Variants in CMTM6 observed in about 807,000 individuals in gnomAD.
CMTM6 encodes CKLF like MARVEL transmembrane domain containing 6.
A neutral mutation model predicts 13.6 loss-of-function variants in CMTM6; 5 were observed. The ratio of observed to expected loss-of-function variants is 0.37; its 90% CI spans 0.19 to 0.77. The LOEUF is 0.77. CMTM6 is among the 30% of genes least tolerant of loss of function. The pLI, the probability that CMTM6 is intolerant of heterozygous loss-of-function variation, is 0.50. For synonymous variants in CMTM6, 99 were observed against 84.5 expected (o/e 1.17, Z -0.94); for missense variants, 196 against 218.6 (o/e 0.90, Z 0.65).
chr3:32,502,826 G>T lies in CMTM6; in HGVS notation c.-81C>A, dbSNP rs1697360462. On this transcript the variant is annotated 5_prime_UTR_variant, in exon 1 of 4. Transcript: ENST00000205636. ...CTCCAGAAGTCCCCGGTAGCCGGGA[G>T]GCGGCCGTCACTTCCTGGGCCTTCT... 3 of 1,352,600 alleles carry T rather than the reference G, an allele frequency of 2.2e-6. No individual in the cohort carries two copies. The Admixed American group carries it at 1.1e-4, about 50-fold the overall frequency. The allele number at this position is 1,352,600 out of a possible 1,614,324, so 83.8% of individuals were successfully genotyped here.
At position 32,494,201 on chromosome 3, in the gene CMTM6, A is replaced by G. The variant is rs150154389; in HGVS notation, c.139-2315T>C. On this transcript the variant is annotated intron_variant, in intron 1 of 3. Transcript: ENST00000205636. ...AGAAGGGAAGAGAGTGAAGAAGAGT[A>G]TTTTGCTTGGGCAGTTTGTGTGGGT... Among the ~76,000 whole-genome samples the G allele has an allele frequency of 2.1e-3, 317 of 152,236 alleles. 1 individual carries two copies. The highest frequency in any genetic ancestry group is 6.8e-3 in the African/African-American group (283 of 41,540).
At chr3:32,497,112 G>C (rs1009145845) in intron 1 of CMTM6, among the ~76,000 whole-genome samples, 1 of 152,122 alleles carries the variant, frequency 6.6e-6, no homozygotes, top group Non-Finnish European at 1.5e-5. Context: ...CACCGGGCGC[G>C]GTGGCTCACG....
In CMTM6 at chr3:32,483,143, A is replaced by T. The variant is rs1697170773; in HGVS notation, c.*817T>A. On this transcript the variant is annotated 3_prime_UTR_variant, in exon 4 of 4. Coordinates refer to ENST00000205636, the MANE Select transcript of CMTM6 (RefSeq NM_017801.3). ...GTAAGTGGTCAAAGCTTGTTTTTAT[A>T]ATTACTTTCACTGTCTTGGGCAAAA... 6.6e-6 allele frequency: 1 copy of T among 152,624 alleles called. No homozygotes were observed. Among genetic ancestry groups the T allele is most frequent in the Admixed American group, 6.5e-5 (1 of 15,282 alleles). 9.5% of individuals were successfully genotyped at this position (152,624 alleles called of 1,614,324 possible).
chr3:32,502,649 G>C lies in CMTM6; in HGVS notation c.97C>G (p.Arg33Gly), dbSNP rs970593113. 1.2e-5 allele frequency: 19 copies of C among 1,595,410 alleles called. No homozygotes were observed. The highest frequency in any genetic ancestry group is 1.4e-5 in the Non-Finnish European group (17 of 1,172,690). The change falls in exon 1 of 4, where the codon CGG becomes GGG. Residue 33 changes from arginine to glycine, a missense_variant. Arg to Gly is a moderately radical substitution (Grantham distance 125, BLOSUM62 -2). Coordinates refer to ENST00000205636, the MANE Select transcript of CMTM6 (RefSeq NM_017801.3). Reference sequence around the variant, plus strand: ...AGAACGCGCCGGAGCAATGGGAGCCGGCCCATGAAAAAGTAGGCAGCGAGG... The same window carrying C: ...AGAACGCGCCGGAGCAATGGGAGCCCGCCCATGAAAAAGTAGGCAGCGAGG... Reference protein sequence around the residue: ...SGLAAYFFMGRLPLLRRVLKG... With the variant: ...SGLAAYFFMGGLPLLRRVLKG...
At position 32,487,899 on chromosome 3, in the gene CMTM6, A is replaced by C. The variant is rs529917674; in HGVS notation, c.414+39T>G. ...CTCTCCAAATTCCATATTTCTAAGGAAACAAAAATAAGCAATGTTAAAAAT... is the reference window on the plus strand; with the variant it reads ...CTCTCCAAATTCCATATTTCTAAGGCAACAAAAATAAGCAATGTTAAAAAT... On this transcript the variant is annotated intron_variant, in intron 3 of 3. Coordinates refer to ENST00000205636, the MANE Select transcript of CMTM6 (RefSeq NM_017801.3). 2.1e-6 allele frequency: 3 copies of C among 1,430,700 alleles called. No homozygotes were observed. In the Admixed American group the frequency reaches 5.2e-5, roughly 25 times the overall value. 88.6% of individuals were successfully genotyped at this position (1,430,700 alleles called of 1,614,324 possible).
chr3:32,496,625 T>G (rs1360526533), intron 1 of CMTM6, among the ~76,000 whole-genome samples: 1 of 152,140 alleles, frequency 6.6e-6, no homozygotes, highest in Non-Finnish European at 1.5e-5. Flanking sequence ...TTATACCACA[T>G]TAACTGAGCA....
In CMTM6 at chr3:32,502,733, C is replaced by T. The variant is rs1697358327; in HGVS notation, c.13G>A (p.Ala5Thr). 6.7e-7 allele frequency: 1 copy of T among 1,499,316 alleles called. No homozygotes were observed. The highest frequency in any genetic ancestry group is 8.9e-7 in the Non-Finnish European group (1 of 1,127,386). The allele number at this position is 1,499,316 out of a possible 1,614,324, so 92.9% of individuals were successfully genotyped here. A position where few individuals can be genotyped will look rare whatever the true frequency, so the allele number is the denominator to read the frequency against. MENG[A>T]VYSPTTEEDP... ...TCCTCCGTAGTGGGGCTGTACACCG[C>T]TCCGTTCTCCATCGCCTCGGGCCGG... is the stretch of plus-strand genomic sequence containing the variant. Residue 5 changes from alanine (A) to threonine (T), a missense_variant, in exon 1 of 4, where the codon GCG becomes ACG. This residue lies in a region of CMTM6 where 85 missense variants were observed against 58.7 expected (regional missense o/e 1.45). Coordinates refer to ENST00000205636, the MANE Select transcript of CMTM6 (RefSeq NM_017801.3).
Position 32,483,703 on chromosome 3 carries a change from ATTG to A in CMTM6, c.*254_*256del, listed in dbSNP as rs1697175353. The A allele has an allele frequency of 3.8e-6, 1 of 266,640 alleles. No homozygotes were observed. Among genetic ancestry groups the A allele is most frequent in the African/African-American group, 2.2e-5 (1 of 45,380 alleles). 16.5% of individuals were successfully genotyped at this position (266,640 alleles called of 1,614,324 possible). On this transcript the variant is annotated 3_prime_UTR_variant, in exon 4 of 4. Transcript: ENST00000205636. ...CGTTGAGCTGTGTGATTTAAAAACAATTGTTTTCTCCTCCTCCCACCAAAATCT... is the reference window on the plus strand; with the variant it reads ...CGTTGAGCTGTGTGATTTAAAAACAATTTTCTCCTCCTCCCACCAAAATCT...
At chr3:32,501,762 C>T (rs1559426561) in intron 1 of CMTM6, among the ~76,000 whole-genome samples, 1 of 152,162 alleles carries the variant, frequency 6.6e-6, no homozygotes, top group African/African-American at 2.4e-5. Context: ...TCGGATTTTT[C>T]CTAAACTGGT....
chr3:32,487,735 C>A, intron 3 of CMTM6: 1 of 414,716 alleles, frequency 2.4e-6, no homozygotes. Context: ...TTTTTTTAAA[C>A]AAAATTCAGT....
chr3:32,488,000 A>C lies in CMTM6; in HGVS notation c.352T>G (p.Leu118Val), dbSNP rs778977788. The C allele has an allele frequency of 5.6e-6, 9 of 1,613,892 alleles. No individual in the cohort carries two copies. Among genetic ancestry groups the C allele is most frequent in the Non-Finnish European group, 7.6e-6 (9 of 1,179,824 alleles). Residue 118 changes from leucine to valine, a missense_variant, in exon 3 of 4, where the codon TTG becomes GTG. Physicochemically the swap from Leu to Val is conservative, Grantham distance 32. Around this residue, in one of 2 missense-constraint regions of CMTM6, gnomAD observed 111 missense variants for 160.0 expected, o/e 0.69. Transcript: ENST00000205636. ...YITLGTGCVF[L>V]LASIIFVSTH... ...GAAACAAAAATGATGGATGCCAACA[A>C]AAACACACATCCTGTTCCCAAAGTA...
At position 32,482,450 on chromosome 3, in the gene CMTM6, G is replaced by A. The variant is rs1697164057; in HGVS notation, c.*1510C>T. On this transcript the variant is annotated 3_prime_UTR_variant, in exon 4 of 4. Transcript: ENST00000205636. ...TGTTTCAAATAGGAAACCTACCCTG[G>A]GAGACTTCCACCAAAGTGCAGAAGG... 6.6e-6 allele frequency: 1 copy of A among 151,916 alleles called. No individual in the cohort carries two copies. Among genetic ancestry groups the A allele is most frequent in the Non-Finnish European group, 1.5e-5 (1 of 67,990 alleles). The allele number at this position is 151,916 out of a possible 1,614,324, so 9.4% of individuals were successfully genotyped here.
chr3:32,495,179 GA>G (rs946273855), intron 1 of CMTM6, among the ~76,000 whole-genome samples: 7 of 151,584 alleles, frequency 4.6e-5, no homozygotes, highest in African/African-American at 1.2e-4. Context: ...TTATATAAAA[GA>G]AAAAAAATAG....
intron 1 of CMTM6, among the ~76,000 whole-genome samples, chr3:32,500,969 G>GA (rs1697339205): frequency 6.7e-6 from 1 of 148,940 alleles, no homozygotes; most frequent in South Asian, 2.1e-4. Context: ...CCCGGAGGGC[G>GA]AAAATCACCT....
At chr3:32,502,291 A>G (rs963761924) in intron 1 of CMTM6, among the ~76,000 whole-genome samples, 105 of 152,198 alleles carry the variant, frequency 6.9e-4, no homozygotes, top group Admixed American at 8.5e-4. Flanking sequence ...GAAGAGAGGA[A>G]AGTCGCCATA....
rs1428490091 is a variant in CMTM6, at chr3:32,483,573, G to A, written c.*387C>T. ...AATTTAAAAATAAAACAATTTCTAA[G>A]TAGATGAATATAATCACGATGTTTA... On this transcript the variant is annotated 3_prime_UTR_variant, in exon 4 of 4. Coordinates refer to ENST00000205636, the MANE Select transcript of CMTM6 (RefSeq NM_017801.3). The A allele has an allele frequency of 6.5e-6, 1 of 154,238 alleles. No homozygotes were observed. Among genetic ancestry groups the A allele is most frequent in the Non-Finnish European group, 1.4e-5 (1 of 69,578 alleles). The allele number at this position is 154,238 out of a possible 1,614,324, so 9.6% of individuals were successfully genotyped here. A position where few individuals can be genotyped will look rare whatever the true frequency, so the allele number is the denominator to read the frequency against.
Position 32,502,786 on chromosome 3 carries a change from C to G in CMTM6, c.-41G>C. ...AGCGCGGCGGCCGCAGCAACCGCGC[C>G]GTTGACTTCTCGGACTCCAGAAGTC... On this transcript the variant is annotated 5_prime_UTR_variant, in exon 1 of 4. Transcript: ENST00000205636. 11 of 1,396,100 alleles carry G rather than the reference C, an allele frequency of 7.9e-6. No individual in the cohort carries two copies. The highest frequency in any genetic ancestry group is 1.0e-5 in the Non-Finnish European group (11 of 1,075,080). The allele number at this position is 1,396,100 out of a possible 1,614,324, so 86.5% of individuals were successfully genotyped here. A position where few individuals can be genotyped will look rare whatever the true frequency, so the allele number is the denominator to read the frequency against.
chr3:32,496,233 AG>A (rs1286732126), intron 1 of CMTM6, among the ~76,000 whole-genome samples: 1 of 150,940 alleles, frequency 6.6e-6, no homozygotes, highest in African/African-American at 2.4e-5. Context: ...GACATTTACT[AG>A]CTCCCATCTC....
chr3:32,497,235 A>T (rs1697301250), intron 1 of CMTM6, among the ~76,000 whole-genome samples: 1 of 151,582 alleles, frequency 6.6e-6, no homozygotes, highest in Non-Finnish European at 1.5e-5. Flanking sequence ...TACAAAAAAA[A>T]TTAGCCGGGC....
Sources: gnomAD v4.1 joint callset for allele counts (sites outside exome capture counted in the v4.1 genomes callset) on GRCh38, gnomAD v4.1.1 for gene constraint, gnomAD v4.1.1 regional missense constraint, MANE v1.5 for transcripts, NCBI Gene and HGNC (gene_info 2026-07-23, HGNC 2026-07-21) for gene names.